Variants in ZNF804A observed in about 807,000 individuals in gnomAD.
The protein encoded by ZNF804A is zinc finger protein 804A.
Under a neutral mutation model 16.5 loss-of-function variants are expected in ZNF804A, and 2 were observed. That is an observed-to-expected ratio of 0.12 (90% confidence interval 0.05 to 0.38). ZNF804A has a LOEUF of 0.38. ZNF804A is among the 10% of genes least tolerant of loss of function. ZNF804A has a pLI of 0.99. For synonymous variants in ZNF804A, 534 were observed against 489.6 expected (o/e 1.09, Z -1.20); for missense variants, 1,473 against 1,390.7 (o/e 1.06, Z -0.94).
At chr2:184,773,651 G>T (rs563065143) in intron 1 of ZNF804A, among the ~76,000 whole-genome samples, 1 of 151,958 alleles carries the variant, frequency 6.6e-6, no homozygotes, top group East Asian at 2.0e-4. Flanking sequence ...GGGACTGAGG[G>T]AAAGAGTGGG....
intron 2 of ZNF804A, among the ~76,000 whole-genome samples, chr2:184,882,664 A>AT (rs1684827172): frequency 6.6e-6 from 1 of 152,164 alleles, no homozygotes; most frequent in Non-Finnish European, 1.5e-5. Flanking sequence ...TTACATGGAA[A>AT]TTAAACAGCC....
chr2:184,734,067 T>A (rs1199923459), intron 1 of ZNF804A, among the ~76,000 whole-genome samples: 3 of 152,122 alleles, frequency 2.0e-5, no homozygotes, highest in Admixed American at 6.6e-5. Flanking sequence ...TCTTTTTCTA[T>A]TTATGTATTT....
chr2:184,727,122 G>A (rs992571417), intron 1 of ZNF804A, among the ~76,000 whole-genome samples: 1 of 151,436 alleles, frequency 6.6e-6, no homozygotes, highest in African/African-American at 2.4e-5. Flanking sequence ...CAGAACATAT[G>A]TTAGCATTTC....
intron 1 of ZNF804A, among the ~76,000 whole-genome samples, chr2:184,694,101 T>C (rs891516392): frequency 6.7e-6 from 1 of 149,788 alleles, no homozygotes; most frequent in Non-Finnish European, 1.5e-5. Flanking sequence ...GCTATTTTTA[T>C]TTTTACTTTT....
chr2:184,651,492 A>T (rs1017578959), intron 1 of ZNF804A, among the ~76,000 whole-genome samples: 1 of 152,130 alleles, frequency 6.6e-6, no homozygotes, highest in African/African-American at 2.4e-5. Flanking sequence ...TTATCAATAG[A>T]ATAAACAGAC....
At chr2:184,625,194 A>G (rs137926511) in intron 1 of ZNF804A, among the ~76,000 whole-genome samples, 1 of 152,172 alleles carries the variant, frequency 6.6e-6, no homozygotes. Flanking sequence ...CCTCTAGTAG[A>G]TATCAATTTC....
At chr2:184,779,396 A>G (rs1694340401) in intron 1 of ZNF804A, among the ~76,000 whole-genome samples, 1 of 151,744 alleles carries the variant, frequency 6.6e-6, no homozygotes, top group African/African-American at 2.4e-5. Context: ...TAATTCTTCT[A>G]CAAATATGAG....
intron 1 of ZNF804A, among the ~76,000 whole-genome samples, chr2:184,744,178 T>G (rs1478860120): frequency 6.6e-6 from 1 of 151,858 alleles, no homozygotes; most frequent in East Asian, 1.9e-4. Flanking sequence ...ACTTTTCTGC[T>G]CTTCATTTTC....
At chr2:184,632,923 A>G (rs774803792) in intron 1 of ZNF804A, among the ~76,000 whole-genome samples, 2 of 152,128 alleles carry the variant, frequency 1.3e-5, no homozygotes, top group Non-Finnish European at 1.5e-5. Flanking sequence ...TGGTCTGGGG[A>G]CTGAATTCTT....
At chr2:184,623,920 AT>A (rs1472323396) in intron 1 of ZNF804A, among the ~76,000 whole-genome samples, 7 of 152,326 alleles carry the variant, frequency 4.6e-5, no homozygotes, top group African/African-American at 1.7e-4. Context: ...AAATCATCTG[AT>A]TTTAAGAGGA....
intron 1 of ZNF804A, among the ~76,000 whole-genome samples, chr2:184,714,842 C>A (rs1227862564): frequency 1.3e-5 from 2 of 152,028 alleles, no homozygotes. Context: ...AAAAATATTT[C>A]TTAATGTGAA....
chr2:184,704,175 G>T (rs1429822599), intron 1 of ZNF804A, among the ~76,000 whole-genome samples: 2 of 146,532 alleles, frequency 1.4e-5, no homozygotes, highest in Non-Finnish European at 3.0e-5. Flanking sequence ...TTTTGACACC[G>T]AGTTTCACTC....
At chr2:184,929,278 T>C (rs1685657778) in intron 2 of ZNF804A, among the ~76,000 whole-genome samples, 2 of 152,176 alleles carry the variant, frequency 1.3e-5, no homozygotes, top group Admixed American at 1.3e-4. Flanking sequence ...TGAAACCAAA[T>C]TATTTCTAAA....
chr2:184,634,323 A>G (rs1270363479), intron 1 of ZNF804A, among the ~76,000 whole-genome samples: 2 of 152,370 alleles, frequency 1.3e-5, no homozygotes, highest in East Asian at 1.9e-4. Flanking sequence ...TAACCTGTGT[A>G]GTAGGCAATT....
rs1398110973 is a variant in ZNF804A, at chr2:184,598,929, C to T, written c.-31C>T. 11 of 1,453,022 alleles carry T rather than the reference C, an allele frequency of 7.6e-6. No individual in the cohort carries two copies. Among genetic ancestry groups the T allele is most frequent in the Non-Finnish European group, 9.4e-6 (10 of 1,067,872 alleles). 90.0% of individuals were successfully genotyped at this position (1,453,022 alleles called of 1,614,324 possible). On this transcript the variant is annotated 5_prime_UTR_variant, in exon 1 of 4. Coordinates refer to ENST00000302277, the MANE Select transcript of ZNF804A (RefSeq NM_194250.2). ...GTGGGCGCGGGGTGCGTGGAAGCGG[C>T]GGCTGCGGCGGAGGAGGCGGCGGCT...
intron 2 of ZNF804A, among the ~76,000 whole-genome samples, chr2:184,925,342 C>T (rs1216513244): frequency 6.6e-6 from 1 of 151,864 alleles, no homozygotes; most frequent in African/African-American, 2.4e-5. Context: ...TCTCATATAA[C>T]TATAGCTACT....
chr2:184,843,852 G>A (rs1170124046), intron 1 of ZNF804A, among the ~76,000 whole-genome samples: 2 of 151,950 alleles, frequency 1.3e-5, no homozygotes, highest in Non-Finnish European at 2.9e-5. Flanking sequence ...CTTTTAATTG[G>A]TATAATTAGG....
At chr2:184,867,046 T>C (rs1695887978) in intron 2 of ZNF804A, among the ~76,000 whole-genome samples, 1 of 151,882 alleles carries the variant, frequency 6.6e-6, no homozygotes, top group Admixed American at 6.6e-5. Flanking sequence ...ACTTAATATA[T>C]CTATGATTTT....
At chr2:184,822,206 A>T (rs1049511639) in intron 1 of ZNF804A, among the ~76,000 whole-genome samples, 2 of 152,130 alleles carry the variant, frequency 1.3e-5, no homozygotes, top group Admixed American at 1.3e-4. Flanking sequence ...ATGTACATAT[A>T]CACCATGGAA....
Sources: gnomAD v4.1 joint callset for allele counts (sites outside exome capture counted in the v4.1 genomes callset) on GRCh38, gnomAD v4.1.1 for gene constraint, MANE v1.5 for transcripts, NCBI Gene and HGNC (gene_info 2026-07-23, HGNC 2026-07-21) for gene names.